The following FGF14 variants were observed in gnomAD, a reference collection of about 807,000 sequenced individuals.
FGF14 encodes the protein fibroblast growth factor homologous factor 4.
In FGF14, 5 loss-of-function variants were observed where a neutral mutation model predicts 25.5. That is an observed-to-expected ratio of 0.20 (90% CI 0.10 to 0.41). The LOEUF (loss-of-function observed/expected upper bound fraction) is 0.41, where lower values mean the gene tolerates loss of function less well. FGF14 is among the 10% of genes least tolerant of loss of function. The pLI, the probability that FGF14 is intolerant of heterozygous loss-of-function variation, is 1.00. For synonymous variants in FGF14, 138 were observed against 118.3 expected (o/e 1.17, Z -1.08); for missense variants, 222 against 320.1 (o/e 0.69, Z 2.34).
chr13:101,765,798 C>T (rs190654450), intron 3 of FGF14, among the ~76,000 whole-genome samples: 47 of 152,000 alleles, frequency 3.1e-4, no homozygotes, highest in African/African-American at 1.1e-3. Flanking sequence ...GGTGCGATCT[C>T]GGCTCACTGC....
chr13:101,886,731 A>G (rs889286805), intron 1 of FGF14, among the ~76,000 whole-genome samples: 1 of 152,176 alleles, frequency 6.6e-6, no homozygotes, highest in Admixed American at 6.5e-5. Flanking sequence ...TGCACAGCAG[A>G]GGAAGCCACC....
chr13:102,024,431 T>A (rs914997800), intron 1 of FGF14, among the ~76,000 whole-genome samples: 20 of 152,070 alleles, frequency 1.3e-4, no homozygotes, highest in African/African-American at 4.8e-4. Flanking sequence ...TCTGGAGAAC[T>A]GTCTATTCAA....
chr13:101,907,819 G>A (rs2032429033), intron 1 of FGF14, among the ~76,000 whole-genome samples: 1 of 152,078 alleles, frequency 6.6e-6, no homozygotes, highest in Admixed American at 6.6e-5. Context: ...TGATGCAGAA[G>A]AGAAGAAAAT....
intron 1 of FGF14, among the ~76,000 whole-genome samples, chr13:101,982,369 T>G (rs1300570090): frequency 6.6e-6 from 1 of 152,208 alleles, no homozygotes; most frequent in Admixed American, 6.5e-5. Context: ...TTATTTTGTT[T>G]CTCAAAATGT....
At chr13:101,873,826 T>C (rs1386444302) in intron 2 of FGF14, among the ~76,000 whole-genome samples, 3 of 152,058 alleles carry the variant, frequency 2.0e-5, no homozygotes, top group African/African-American at 4.8e-5. Flanking sequence ...TGTAGCTGAA[T>C]TGTTTTACCT....
chr13:101,779,477 G>T (rs1314512697), intron 3 of FGF14, among the ~76,000 whole-genome samples: 2 of 152,034 alleles, frequency 1.3e-5, no homozygotes, highest in Admixed American at 1.3e-4. Flanking sequence ...AGCGACTAAG[G>T]CACGTTTCCA....
In FGF14 at chr13:101,820,778, C is replaced by CA. The variant is rs1408960886; in HGVS notation, c.408+47946_408+47947insT. ...CTACAGTACACACACACACCACACA[C>CA]CACACACACACACACACACACACAC... On this transcript the variant is annotated intron_variant, in intron 3 of 4. Transcript: ENST00000376143. 2.8e-4 allele frequency among the ~76,000 whole-genome samples: 8 copies of CA among 28,534 alleles called. No homozygotes were observed. The South Asian group carries it at 5.1e-3, about 18-fold the overall frequency. The allele number at this position is 28,534 out of a possible 152,430, so 18.7% of individuals were successfully genotyped here.
chr13:101,909,077 C>T (rs1223279256), intron 1 of FGF14, among the ~76,000 whole-genome samples: 12 of 152,190 alleles, frequency 7.9e-5, no homozygotes, highest in Non-Finnish European at 1.2e-4. Context: ...TTACACCTTA[C>T]ACAAAAATTA....
At chr13:102,098,121 C>T (rs1295882245) in intron 1 of FGF14, among the ~76,000 whole-genome samples, 4 of 152,222 alleles carry the variant, frequency 2.6e-5, no homozygotes, top group Admixed American at 2.6e-4. Flanking sequence ...TGCCCTAATT[C>T]TGCACATTTG....
At chr13:102,167,260 C>T (rs1199852624) in intron 1 of FGF14, among the ~76,000 whole-genome samples, 1 of 147,352 alleles carries the variant, frequency 6.8e-6, no homozygotes, top group East Asian at 2.0e-4. Context: ...ATCGTGTGAA[C>T]CCTGAAGGCA....
At chr13:101,737,558 T>C (rs1398109006) in intron 3 of FGF14, among the ~76,000 whole-genome samples, 1 of 152,172 alleles carries the variant, frequency 6.6e-6, no homozygotes, top group African/African-American at 2.4e-5. Context: ...TTCATTTCCT[T>C]GTACTTCTCT....
intron 1 of FGF14, among the ~76,000 whole-genome samples, chr13:102,201,474 A>T (rs1341409972): frequency 6.6e-6 from 1 of 152,176 alleles, no homozygotes; most frequent in Non-Finnish European, 1.5e-5. Context: ...AAGAATAGGG[A>T]TTGGCTGAAA....
In FGF14 at chr13:101,897,961, C is replaced by T. The variant is rs143559546; in HGVS notation, c.193+18492G>A. 1.2e-3 allele frequency among the ~76,000 whole-genome samples: 185 copies of T among 152,156 alleles called. 2 individuals carry two copies. The East Asian group carries it at 0.025, about 21-fold the overall frequency. On this transcript the variant is annotated intron_variant, in intron 1 of 4. Coordinates refer to ENST00000376143, the MANE Select transcript of FGF14 (RefSeq NM_004115.4). ...CCAGGCTGGAGTGCAGTGGTGCAGT[C>T]TCGGCTTACTGCAAACTCTGCCTCC...
At position 102,275,266 on chromosome 13, in the gene FGF14, C is replaced by CTCTCTCTCTT. The variant is rs1210947171; in HGVS notation, c.208+126204_208+126205insAAGAGAGAGA. Among the ~76,000 whole-genome samples, 8 of 150,348 alleles carry CTCTCTCTCTT rather than the reference C, an allele frequency of 5.3e-5. No homozygotes were observed. In the East Asian group the frequency reaches 9.8e-4, roughly 18 times the overall value. ...TCTCTCTCTCTCTCTCTCTCTTTCT[C>CTCTCTCTCTT]TCTCTCTCTCTCTCTCTCTCTGCCA... On this transcript the variant is annotated intron_variant, in intron 1 of 4. Coordinates refer to the FGF14 transcript ENST00000376131.
chr13:102,089,741 A>G (rs1326441053), intron 1 of FGF14, among the ~76,000 whole-genome samples: 1 of 152,220 alleles, frequency 6.6e-6, no homozygotes, highest in Non-Finnish European at 1.5e-5. Flanking sequence ...CAAGACATAG[A>G]AATTGAAAAG....
chr13:102,352,018 C>T lies in FGF14; in HGVS notation c.208+49453G>A, dbSNP rs145802004. On this transcript the variant is annotated intron_variant, in intron 1 of 4. Transcript: ENST00000376131. ...ACTTGAATGCAAGTCCCACTTATGA[C>T]ATTATTTCCACTGGGGAAAAAGTGT... is the stretch of plus-strand genomic sequence containing the variant. 8.7e-4 allele frequency among the ~76,000 whole-genome samples: 132 copies of T among 152,278 alleles called. 1 individual carries two copies. The East Asian group carries it at 0.024, about 28-fold the overall frequency.
At position 101,754,215 on chromosome 13, in the gene FGF14, G is replaced by A. The variant is rs78267006; in HGVS notation, c.409-27405C>T. Among the ~76,000 whole-genome samples, 1,158 of 152,212 alleles carry A rather than the reference G, an allele frequency of 7.6e-3. 8 individuals are homozygous for A. The highest frequency in any genetic ancestry group is 0.012 in the Non-Finnish European group (836 of 68,016). On this transcript the variant is annotated intron_variant, in intron 3 of 4. Coordinates refer to ENST00000376143, the MANE Select transcript of FGF14 (RefSeq NM_004115.4). ...CTCCTAGGGGCTGATCCAGGGTGCC[G>A]CATGGTCACTGTTTCAGTGCAGATG...
chr13:102,211,974 T>C (rs2050180645), intron 1 of FGF14, among the ~76,000 whole-genome samples: 1 of 152,234 alleles, frequency 6.6e-6, no homozygotes, highest in Non-Finnish European at 1.5e-5. Context: ...TCAAGCTCCC[T>C]GAGTTTGCTT....
chr13:102,036,024 G>C, intron 1 of FGF14, among the ~76,000 whole-genome samples: 1 of 152,106 alleles, frequency 6.6e-6, no homozygotes, highest in East Asian at 1.9e-4. Flanking sequence ...GAGCAAAAGA[G>C]TAACAGCTAC....
Sources: allele counts gnomAD v4.1 joint callset (sites outside exome capture counted in the v4.1 genomes callset), GRCh38; gene constraint gnomAD v4.1.1; transcripts MANE v1.5; gene names NCBI Gene and HGNC (gene_info 2026-07-23, HGNC 2026-07-21).